ARHGEF10L: variants seen among roughly 807,000 people sequenced by gnomAD.
ARHGEF10L encodes Rho guanine nucleotide exchange factor 10 like.
ARHGEF10L carries 69 observed loss-of-function variants against 141.2 expected under a neutral mutation model. The observed-to-expected ratio is 0.49, with a 90% CI of 0.40 to 0.60. ARHGEF10L has a LOEUF of 0.60. Among genes scored for constraint, ARHGEF10L ranks in the 20% least tolerant of loss-of-function variants. The probability of loss-of-function intolerance (pLI) is 0.00; values close to 1 mark genes in which losing one functional copy is unlikely to be tolerated. For synonymous variants in ARHGEF10L, 711 were observed against 718.5 expected (o/e 0.99, Z 0.17); for missense variants, 1,482 against 1,734.3 (o/e 0.85, Z 2.58).
At chr1:17,665,764 A>G (rs2062939521) in intron 26 of ARHGEF10L, among the ~76,000 whole-genome samples, 1 of 152,230 alleles carries the variant, frequency 6.6e-6, no homozygotes, top group African/African-American at 2.4e-5. Context: ...TTGCGCAAGT[A>G]TATGTATACA....
Position 17,673,480 on chromosome 1 carries a change from C to G in ARHGEF10L, c.3009+8885C>G, listed in dbSNP as rs886983185. Among the ~76,000 whole-genome samples, 1 of 152,138 alleles carries G rather than the reference C, an allele frequency of 6.6e-6. No individual in the cohort carries two copies. Among genetic ancestry groups the G allele is most frequent in the African/African-American group, 2.4e-5 (1 of 41,414 alleles). On this transcript the variant is annotated intron_variant, in intron 26 of 28. Coordinates refer to ENST00000361221, the MANE Select transcript of ARHGEF10L (RefSeq NM_018125.4). The surrounding 1 kb of genome is among the most constrained non-coding windows in gnomAD (Gnocchi z 4.1). ...GGCTTAATGCAGTGGAGGTCAGGCC[C>G]TGGGTGTAATTAGGGAGGCTCCCTC...
At chr1:17,564,105 G>C (rs986406409) in intron 1 of ARHGEF10L, among the ~76,000 whole-genome samples, 1 of 152,198 alleles carries the variant, frequency 6.6e-6, no homozygotes, top group South Asian at 2.1e-4. Context: ...GAGCGGGAGG[G>C]TGCTGGCTCT....
chr1:17,577,082 C>T (rs768143824), intron 1 of ARHGEF10L, among the ~76,000 whole-genome samples: 19 of 152,206 alleles, frequency 1.2e-4, no homozygotes, highest in African/African-American at 1.9e-4. Flanking sequence ...CTTGCTCTGT[C>T]GCCTAGGCTG....
upstream of ARHGEF10L, among the ~76,000 whole-genome samples, chr1:17,537,477 C>T (rs2076591740): frequency 1.3e-5 from 2 of 152,148 alleles, no homozygotes; most frequent in African/African-American, 2.4e-5. Context: ...ATCATAGCTG[C>T]CCTCAAGCTA....
At chr1:17,669,591 T>A (rs2063192015) in intron 26 of ARHGEF10L, among the ~76,000 whole-genome samples, 1 of 152,186 alleles carries the variant, frequency 6.6e-6, no homozygotes, top group Non-Finnish European at 1.5e-5. Context: ...CCCACCTTGG[T>A]GGGCAGAAGT....
chr1:17,669,238 G>A (rs976745199), intron 26 of ARHGEF10L, among the ~76,000 whole-genome samples: 2 of 152,184 alleles, frequency 1.3e-5, no homozygotes, highest in African/African-American at 2.4e-5. Context: ...TTTGGCTGAG[G>A]TTGTGGCTAG....
Position 17,559,022 on chromosome 1 carries a change from A to G in ARHGEF10L, c.-44+19072A>G, listed in dbSNP as rs540219496. Among the ~76,000 whole-genome samples the G allele has an allele frequency of 3.3e-5, 5 of 152,222 alleles. No homozygotes were observed. The East Asian group carries it at 9.7e-4, about 29-fold the overall frequency. ...CCTGCAACCCACAGGGCCCGGCCTC[A>G]GTTGGGGTGTGGGGGGAGCAGAATG... is the stretch of plus-strand genomic sequence containing the variant. On this transcript the variant is annotated intron_variant, in intron 1 of 28. Coordinates refer to ENST00000361221, the MANE Select transcript of ARHGEF10L (RefSeq NM_018125.4).
intron 18 of ARHGEF10L, among the ~76,000 whole-genome samples, chr1:17,635,729 C>T (rs2101748667): frequency 6.6e-6 from 1 of 152,298 alleles, no homozygotes; most frequent in Middle Eastern, 3.4e-3. Context: ...GTTGATGTCT[C>T]TCCTCTCAGC....
chr1:17,586,073 G>A (rs563750181), intron 2 of ARHGEF10L, among the ~76,000 whole-genome samples: 23 of 152,324 alleles, frequency 1.5e-4, no homozygotes, highest in African/African-American at 5.1e-4. Flanking sequence ...CCTGTAGGGT[G>A]TAGAAGCCAG....
chr1:17,548,646 C>CTTT lies in ARHGEF10L; in HGVS notation c.-44+8719_-44+8721dup, dbSNP rs892480738. Among the ~76,000 whole-genome samples the CTTT allele has an allele frequency of 3.4e-3, 296 of 88,246 alleles. 3 individuals are homozygous for CTTT. Among genetic ancestry groups the CTTT allele is most frequent in the African/African-American group, 5.2e-3 (109 of 20,942 alleles). The allele number at this position is 88,246 out of a possible 152,430, so 57.9% of individuals were successfully genotyped here. ...CAAGTACCTTGAGCTCAAAATAATT[C>CTTT]TTTTTTTTTTTTTTTTTTTTTTTTT... is the stretch of plus-strand genomic sequence containing the variant. On this transcript the variant is annotated intron_variant, in intron 1 of 28. Coordinates refer to ENST00000361221, the MANE Select transcript of ARHGEF10L (RefSeq NM_018125.4).
rs2062301943 is a variant in ARHGEF10L, at chr1:17,656,973, A to C, written c.2860+265A>C. 6.6e-6 allele frequency among the ~76,000 whole-genome samples: 1 copy of C among 152,182 alleles called. No individual in the cohort carries two copies. Among genetic ancestry groups the C allele is most frequent in the South Asian group, 2.1e-4 (1 of 4,832 alleles). On this transcript the variant is annotated intron_variant, in intron 25 of 28. Coordinates refer to ENST00000361221, the MANE Select transcript of ARHGEF10L (RefSeq NM_018125.4). This position sits in a 1 kb window ranked among gnomAD's most constrained non-coding sequence, Gnocchi z 4.9. ...TGTAGTGGATAAGAGAGGTACTCGCAGGTTGGAGAGACCTGGCTTCCCGTT... is the reference window on the plus strand; with the variant it reads ...TGTAGTGGATAAGAGAGGTACTCGCCGGTTGGAGAGACCTGGCTTCCCGTT...
intron 1 of ARHGEF10L, among the ~76,000 whole-genome samples, chr1:17,545,036 G>T (rs2265730): frequency 0.078 from 11,799 of 152,182 alleles, 516 homozygotes; most frequent in African/African-American, 0.1. Context: ...CAGGGATTAT[G>T]GGAGCTACAA....
At chr1:17,689,843 G>A (rs1161528996) in intron 27 of ARHGEF10L, 1 of 456,096 alleles carries the variant, frequency 2.2e-6, no homozygotes, top group Non-Finnish European at 4.4e-6. Flanking sequence ...GTGAGAGAGA[G>A]TCAAGCTGAT....
intron 18 of ARHGEF10L, among the ~76,000 whole-genome samples, chr1:17,635,321 C>T (rs970251538): frequency 2.6e-5 from 4 of 152,202 alleles, no homozygotes; most frequent in African/African-American, 9.6e-5. Flanking sequence ...CTCCTCCTAC[C>T]TGGGCCCCCT....
chr1:17,655,762 C>A, intron 23 of ARHGEF10L, 117 bp from the exon 24 acceptor site: 1 of 886,598 alleles, frequency 1.1e-6, no homozygotes, highest in Non-Finnish European at 1.7e-6. Context: ...TGTGTGTGGG[C>A]AGGAGAAGGG....
the ARHGEF10L span, among the ~76,000 whole-genome samples, chr1:17,524,784 G>A: frequency 6.6e-6 from 1 of 152,244 alleles, no homozygotes; most frequent in South Asian, 2.1e-4. Flanking sequence ...CAGCTCCCCG[G>A]GGAATGGGAC....
At chr1:17,640,399 C>T (rs1210250643) in intron 21 of ARHGEF10L, 97 bp downstream of exon 21, 27 of 1,048,862 alleles carry the variant, frequency 2.6e-5, no homozygotes, top group Admixed American at 1.7e-4. Context: ...TCGGGGTCAG[C>T]GGGGGGCAGG....
intron 21 of ARHGEF10L, among the ~76,000 whole-genome samples, chr1:17,643,896 T>G (rs548983576): frequency 6.6e-6 from 1 of 152,304 alleles, no homozygotes; most frequent in African/African-American, 2.4e-5. Context: ...TTTCTACCGG[T>G]TAGGCTCTTG....
At chr1:17,614,416 C>T (rs745773743) in intron 8 of ARHGEF10L, among the ~76,000 whole-genome samples, 1 of 152,154 alleles carries the variant, frequency 6.6e-6, no homozygotes, top group Non-Finnish European at 1.5e-5. Context: ...CAGGTGTACT[C>T]GGGGACACCT....
Sources: gnomAD v4.1 joint callset for allele counts (sites outside exome capture counted in the v4.1 genomes callset) on GRCh38, gnomAD v4.1.1 for gene constraint, Gnocchi (gnomAD v3.1) non-coding constraint, MANE v1.5 for transcripts, NCBI Gene and HGNC (gene_info 2026-07-23, HGNC 2026-07-21) for gene names.